KCNJ6: variants seen among roughly 807,000 people sequenced by gnomAD.
KCNJ6 encodes the protein potassium inwardly rectifying channel subfamily J member 6.
In KCNJ6, 9 loss-of-function variants were observed where a neutral mutation model predicts 34.2. That is an observed-to-expected ratio of 0.26 (90% CI 0.16 to 0.46). The LOEUF is 0.46. Among genes scored for constraint, KCNJ6 ranks in the 20% least tolerant of loss-of-function variants. KCNJ6 has a pLI of 1.00. For synonymous variants in KCNJ6, 196 were observed against 207.1 expected, an observed-to-expected ratio of 0.95 and a Z score of 0.46; for missense variants, 236 against 531.3, an observed-to-expected ratio of 0.44 and a Z score of 5.46.
At chr21:37,794,670 T>C (rs2055232540) in intron 2 of KCNJ6, among the ~76,000 whole-genome samples, 1 of 151,810 alleles carries the variant, frequency 6.6e-6, no homozygotes, top group Non-Finnish European at 1.5e-5. Context: ...AAGTGGGAGT[T>C]GAACAATGAG....
intron 1 of KCNJ6, among the ~76,000 whole-genome samples, chr21:37,882,118 C>T (rs1045493496): frequency 6.6e-6 from 1 of 152,144 alleles, no homozygotes; most frequent in African/African-American, 2.4e-5. Flanking sequence ...GCTCCCAGAC[C>T]CTCCACTTCT....
intron 1 of KCNJ6, among the ~76,000 whole-genome samples, chr21:37,864,122 T>TG (rs1361133968): frequency 5.9e-5 from 9 of 151,584 alleles, no homozygotes; most frequent in African/African-American, 2.2e-4. Flanking sequence ...TATTTTTTTT[T>TG]TTTGTTTTAG....
At chr21:37,650,467 C>T (rs936221834) in intron 3 of KCNJ6, among the ~76,000 whole-genome samples, 3 of 152,198 alleles carry the variant, frequency 2.0e-5, no homozygotes, top group East Asian at 1.9e-4. Flanking sequence ...ATAACTGCCT[C>T]GCTGTGGGCT....
chr21:37,760,661 G>A (rs771372297), intron 2 of KCNJ6, among the ~76,000 whole-genome samples: 34 of 152,208 alleles, frequency 2.2e-4, no homozygotes, highest in Admixed American at 3.9e-4. Context: ...AACTTCAGGC[G>A]AGTGTCTCAT....
At chr21:37,863,465 T>G (rs2055604795) in intron 1 of KCNJ6, among the ~76,000 whole-genome samples, 3 of 152,222 alleles carry the variant, frequency 2.0e-5, no homozygotes, top group African/African-American at 7.2e-5. Flanking sequence ...GCTGTGTCCA[T>G]TTATGACTGA....
chr21:37,755,070 T>C (rs190794015), intron 2 of KCNJ6, among the ~76,000 whole-genome samples: 1 of 152,304 alleles, frequency 6.6e-6, no homozygotes, highest in African/African-American at 2.4e-5. Context: ...GAAAGAAGTC[T>C]TAATTCCTTA....
intron 2 of KCNJ6, chr21:37,717,299 T>A (rs1290195109): frequency 1.3e-5 from 2 of 152,534 alleles, no homozygotes; most frequent in Non-Finnish European, 2.9e-5. Flanking sequence ...GATGGGGGGC[T>A]GTTGAGGTTG....
chr21:37,851,471 C>T (rs2055536956), intron 1 of KCNJ6, among the ~76,000 whole-genome samples: 1 of 152,172 alleles, frequency 6.6e-6, no homozygotes, highest in Non-Finnish European at 1.5e-5. Flanking sequence ...GGGCTGGAGA[C>T]TGAGGAAAAT....
intron 3 of KCNJ6, among the ~76,000 whole-genome samples, chr21:37,672,063 G>T (rs1274324759): frequency 6.6e-6 from 1 of 151,448 alleles, no homozygotes; most frequent in Non-Finnish European, 1.5e-5. Flanking sequence ...TTACTTAATT[G>T]CTCTGGAGGG....
At chr21:37,673,549 A>T (rs1340030605) in intron 3 of KCNJ6, among the ~76,000 whole-genome samples, 1 of 152,210 alleles carries the variant, frequency 6.6e-6, no homozygotes, top group Non-Finnish European at 1.5e-5. Context: ...GGCTGGGCTC[A>T]CTTGTGTCTG....
chr21:37,853,763 G>T (rs1029473597), intron 1 of KCNJ6, among the ~76,000 whole-genome samples: 1 of 148,802 alleles, frequency 6.7e-6, no homozygotes, highest in African/African-American at 2.5e-5. Flanking sequence ...GAAGGGAAAC[G>T]AATGTAAAGG....
At position 37,614,589 on chromosome 21, in the gene KCNJ6, T is replaced by G. The variant is rs1176430225; in HGVS notation, c.*10570A>C. Reference sequence around the variant, plus strand: ...GTGTATGCATGTGTCTCTGTATGCATGTGTGTGTATGCATGTCTGTATGCG... The same window carrying G: ...GTGTATGCATGTGTCTCTGTATGCAGGTGTGTGTATGCATGTCTGTATGCG... On this transcript the variant is annotated 3_prime_UTR_variant, in exon 4 of 4. Transcript: ENST00000609713. 1.3e-5 allele frequency: 1 copy of G among 77,644 alleles called. No homozygotes were observed. Among genetic ancestry groups the G allele is most frequent in the African/African-American group, 5.1e-5 (1 of 19,448 alleles). The allele number at this position is 77,644 out of a possible 1,614,324, so 4.8% of individuals were successfully genotyped here.
At chr21:37,733,094 T>C (rs73904422) in intron 2 of KCNJ6, among the ~76,000 whole-genome samples, 21,607 of 152,246 alleles carry the variant, frequency 0.14, 2,007 homozygotes, top group African/African-American at 0.27. Context: ...TTTAACTTTG[T>C]GCTTGCAGTT....
intron 3 of KCNJ6, among the ~76,000 whole-genome samples, chr21:37,686,719 G>A (rs976253943): frequency 6.6e-6 from 1 of 151,974 alleles, no homozygotes; most frequent in Non-Finnish European, 1.5e-5. Context: ...TGCCCACCCT[G>A]GCCTCCCAAA....
intron 1 of KCNJ6, among the ~76,000 whole-genome samples, chr21:37,859,526 TATATAA>T (rs1329058004): frequency 0.015 from 1,269 of 85,024 alleles, 42 homozygotes; most frequent in Middle Eastern, 0.028. Context: ...TATATATATA[TATATAA>T]AATACTTAAA....
At chr21:37,833,582 C>T (rs915243940) in intron 2 of KCNJ6, among the ~76,000 whole-genome samples, 19 of 152,144 alleles carry the variant, frequency 1.2e-4, no homozygotes, top group Non-Finnish European at 4.4e-5. Flanking sequence ...ATGCAGCCTC[C>T]GAGACTGTGG....
intron 2 of KCNJ6, among the ~76,000 whole-genome samples, chr21:37,736,902 A>C (rs2054915953): frequency 1.3e-5 from 2 of 152,210 alleles, no homozygotes; most frequent in African/African-American, 4.8e-5. Context: ...GTCCTTAATA[A>C]TACTTTTATG....
intron 2 of KCNJ6, among the ~76,000 whole-genome samples, chr21:37,808,151 C>T (rs2835973): frequency 0.45 from 67,756 of 152,082 alleles, 16,468 homozygotes; most frequent in Middle Eastern, 0.53. Flanking sequence ...CAGCAACCTG[C>T]TAGTGTGATA....
At chr21:37,761,631 GTGT>G (rs1463118299) in intron 2 of KCNJ6, among the ~76,000 whole-genome samples, 1 of 148,596 alleles carries the variant, frequency 6.7e-6, no homozygotes, top group African/African-American at 2.5e-5. Context: ...TATGTGTTGT[GTGT>G]TGTGTTGTGT....
Sources: allele counts gnomAD v4.1 joint callset (sites outside exome capture counted in the v4.1 genomes callset), GRCh38; gene constraint gnomAD v4.1.1; transcripts MANE v1.5; gene names NCBI Gene and HGNC (gene_info 2026-07-23, HGNC 2026-07-21).